Variants in PPFIA1 observed in about 807,000 individuals in gnomAD.
PPFIA1 encodes liprin-alpha-1.
PPFIA1 carries 25 observed loss-of-function variants against 149.9 expected under a neutral mutation model. The observed-to-expected ratio is 0.17, with a 90% CI of 0.12 to 0.23. PPFIA1 has a LOEUF of 0.23. PPFIA1 is among the 10% of genes least tolerant of loss of function. PPFIA1 has a pLI of 1.00. For missense variants in PPFIA1, 1,362 were observed against 1,506.5 expected (o/e 0.90, Z 1.59); for synonymous variants, 549 against 552.8 (o/e 0.99, Z 0.10).
At chr11:70,299,016 A>T (rs1591110706) in intron 2 of PPFIA1, among the ~76,000 whole-genome samples, 2 of 152,140 alleles carry the variant, frequency 1.3e-5, no homozygotes, top group Non-Finnish European at 2.9e-5. Flanking sequence ...AGGCAGGCGG[A>T]TCACTTGAGC....
chr11:70,315,769 T>C (rs971218493), intron 2 of PPFIA1, among the ~76,000 whole-genome samples: 3 of 147,634 alleles, frequency 2.0e-5, no homozygotes, highest in Admixed American at 6.9e-5. Context: ...GTTCACGGCA[T>C]TAAGTATATT....
chr11:70,337,485 GAT>G (rs2055055344), intron 12 of PPFIA1, 58 bp downstream of exon 12: 1 of 1,313,012 alleles, frequency 7.6e-7, no homozygotes, highest in Non-Finnish European at 1.1e-6. Context: ...TGATGATGAT[GAT>G]AGTTACTGCA....
chr11:70,278,871 A>G (rs1326199085), intron 2 of PPFIA1: 1 of 482,100 alleles, frequency 2.1e-6, no homozygotes. Context: ...CAGCTGGTAG[A>G]GTGTTTAGGG....
chr11:70,371,397 GGA>G (rs2057241927), intron 21 of PPFIA1: 3 of 157,060 alleles, frequency 1.9e-5, no homozygotes, highest in East Asian at 1.9e-4. Flanking sequence ...GTTGTTTGGT[GGA>G]TTGTTCTATA....
At chr11:70,357,014 G>A (rs1047319453) in intron 19 of PPFIA1, among the ~76,000 whole-genome samples, 5 of 152,202 alleles carry the variant, frequency 3.3e-5, no homozygotes, top group African/African-American at 4.8e-5. Flanking sequence ...GGCCTTCTGG[G>A]ATGCGGGGTG....
chr11:70,332,239 G>A (rs2136952459), intron 9 of PPFIA1, 145 bp downstream of exon 9: 1 of 1,031,082 alleles, frequency 9.7e-7, no homozygotes, highest in Non-Finnish European at 1.3e-6. Context: ...TTTCATCTGA[G>A]ATTGGAACAC....
chr11:70,339,312 G>A lies in PPFIA1; in HGVS notation c.1707+6G>A. 1 of 1,611,028 alleles carries A rather than the reference G, an allele frequency of 6.2e-7. No homozygotes were observed. On this transcript the variant is annotated splice_donor_region_variant and intron_variant, in intron 14 of 27. Transcript: ENST00000253925. ...TGCGAGATGAGCCTTCCAAGGCAAGGTCTTTGTGTGAAATACCTCTGCTTA... is the reference window on the plus strand; with the variant it reads ...TGCGAGATGAGCCTTCCAAGGCAAGATCTTTGTGTGAAATACCTCTGCTTA...
Position 70,333,530 on chromosome 11 carries a change from GAGA to G in PPFIA1, c.1278_1280del (p.Lys426del). On this transcript the variant is annotated inframe_deletion, in exon 10 of 28. Transcript: ENST00000253925. Reference sequence around the variant, plus strand: ...ACGACAGATGGAAGCACAGTTGGAGGAGAAGAATCAAGAACTGCAGCGGGTGAG... The same window carrying G: ...ACGACAGATGGAAGCACAGTTGGAGGAGAATCAAGAACTGCAGCGGGTGAG... 1 of 1,612,656 alleles carries G rather than the reference GAGA, an allele frequency of 6.2e-7. No homozygotes were observed.
chr11:70,350,148 A>G (rs570625653), intron 16 of PPFIA1: 4 of 326,544 alleles, frequency 1.2e-5, no homozygotes, highest in Non-Finnish European at 2.4e-5. Context: ...CTCAATGGTA[A>G]TTTAAATTAG....
intron 19 of PPFIA1, among the ~76,000 whole-genome samples, chr11:70,356,783 G>A (rs1453198208): frequency 6.6e-6 from 1 of 152,218 alleles, no homozygotes; most frequent in Non-Finnish European, 1.5e-5. Context: ...CTGCTGGTCT[G>A]TCCGAAACAG....
intron 8 of PPFIA1, among the ~76,000 whole-genome samples, chr11:70,331,676 A>T (rs559448204): frequency 6.6e-6 from 1 of 152,122 alleles, no homozygotes; most frequent in African/African-American, 2.4e-5. Flanking sequence ...GCTACTCAGG[A>T]GGCTGAGGCA....
chr11:70,285,732 A>G (rs778260465), intron 2 of PPFIA1, among the ~76,000 whole-genome samples: 3 of 151,980 alleles, frequency 2.0e-5, no homozygotes, highest in Non-Finnish European at 2.9e-5. Flanking sequence ...GCACAGAACA[A>G]TGTGTACTTT....
intron 2 of PPFIA1, among the ~76,000 whole-genome samples, chr11:70,278,101 G>T (rs753823734): frequency 1.3e-5 from 2 of 151,862 alleles, no homozygotes; most frequent in Non-Finnish European, 2.9e-5. Context: ...AGTAGAGAAG[G>T]TGTTTCACCA....
intron 10 of PPFIA1, among the ~76,000 whole-genome samples, chr11:70,333,824 G>T (rs2054812704): frequency 6.6e-6 from 1 of 152,200 alleles, no homozygotes; most frequent in Non-Finnish European, 1.5e-5. Flanking sequence ...CTTCTTGCTT[G>T]TCTAGCGGCC....
chr11:70,310,486 A>G (rs1055023051), intron 2 of PPFIA1, among the ~76,000 whole-genome samples: 6 of 151,526 alleles, frequency 4.0e-5, no homozygotes, highest in Admixed American at 4.0e-4. Context: ...CCTGGGTTCA[A>G]GCGATTCTCT....
At chr11:70,324,273 G>A in intron 2 of PPFIA1, 129 bp from the exon 3 acceptor site, 2 of 607,394 alleles carry the variant, frequency 3.3e-6, no homozygotes, top group East Asian at 6.0e-5. Context: ...TTTCTCTGGA[G>A]GATCACTGAG....
rs1225593113 is a variant in PPFIA1, at chr11:70,287,628, C to CT, written c.264+15202dup. Among the ~76,000 whole-genome samples, 591 of 145,852 alleles carry CT rather than the reference C, an allele frequency of 4.1e-3. 2 individuals carry two copies. The highest frequency in any genetic ancestry group is 0.013 in the South Asian group (58 of 4,518). ...ACAGGCATCAGCCACTACACCCGGC[C>CT]TTTTTTTTTTGTTTTTTAAAAAATT... On this transcript the variant is annotated intron_variant, in intron 2 of 27. Transcript: ENST00000253925.
intron 2 of PPFIA1, among the ~76,000 whole-genome samples, chr11:70,301,901 T>C (rs2052508217): frequency 1.3e-5 from 2 of 152,262 alleles, no homozygotes; most frequent in Non-Finnish European, 2.9e-5. Flanking sequence ...TAATGTGAGC[T>C]GTCAGTATTA....
At chr11:70,376,498 G>A (rs664130) in intron 24 of PPFIA1, 34 bp from the exon 25 acceptor site, 348,112 of 1,574,768 alleles carry the variant, frequency 0.22, 39,757 homozygotes, top group South Asian at 0.27. Context: ...TAGATTTGAT[G>A]AAAGTTTTAT....
Sources: gnomAD v4.1 joint callset for allele counts (sites outside exome capture counted in the v4.1 genomes callset) on GRCh38, gnomAD v4.1.1 for gene constraint, MANE v1.5 for transcripts, NCBI Gene and HGNC (gene_info 2026-07-23, HGNC 2026-07-21) for gene names.